Variants in SRBD1 observed in about 807,000 individuals in gnomAD.
The protein encoded by SRBD1 is S1 RNA-binding domain-containing protein 1.
Under a neutral mutation model 115.3 loss-of-function variants are expected in SRBD1, and 88 were observed. That is an observed-to-expected ratio of 0.76 (90% CI 0.64 to 0.91). The LOEUF (loss-of-function observed/expected upper bound fraction) is 0.91. Among genes scored for constraint, SRBD1 ranks in the 40% least tolerant of loss-of-function variants. SRBD1 has a pLI of 0.00. For synonymous variants in SRBD1, 509 were observed against 407.7 expected (o/e 1.25, Z -2.99); for missense variants, 1,385 against 1,177.4 (o/e 1.18, Z -2.58).
At chr2:45,479,268 C>T (rs770143156) in intron 15 of SRBD1, among the ~76,000 whole-genome samples, 9 of 152,094 alleles carry the variant, frequency 5.9e-5, no homozygotes, top group East Asian at 1.9e-4. Flanking sequence ...AAGGAAGAGT[C>T]GCACGTCTCT....
chr2:45,394,574 C>T (rs576749589), intron 19 of SRBD1, among the ~76,000 whole-genome samples: 6 of 152,172 alleles, frequency 3.9e-5, no homozygotes, highest in African/African-American at 1.4e-4. Flanking sequence ...GCTGCACTAT[C>T]AAAAAAAGAA....
chr2:45,602,207 T>G, intron 2 of SRBD1, 124 bp from the exon 3 acceptor site: 1 of 1,113,052 alleles, frequency 9.0e-7, no homozygotes, highest in East Asian at 2.5e-5. Flanking sequence ...ATGGAGTGAT[T>G]GAGTACAGGC....
intron 14 of SRBD1, among the ~76,000 whole-genome samples, chr2:45,496,130 G>C (rs1670451388): frequency 6.6e-6 from 1 of 152,172 alleles, no homozygotes; most frequent in South Asian, 2.1e-4. Flanking sequence ...AAAGGGAAAA[G>C]TTTGCATCAT....
At chr2:45,591,116 C>T (rs1286004010) in intron 4 of SRBD1, among the ~76,000 whole-genome samples, 1 of 152,122 alleles carries the variant, frequency 6.6e-6, no homozygotes, top group African/African-American at 2.4e-5. Flanking sequence ...CAGCTGGAGG[C>T]TTCAGGATTT....
chr2:45,488,729 G>C (rs1266161612), intron 14 of SRBD1, among the ~76,000 whole-genome samples: 1 of 152,058 alleles, frequency 6.6e-6, no homozygotes, highest in East Asian at 1.9e-4. Flanking sequence ...TTACCTGAAT[G>C]AATCATTCTA....
chr2:45,578,225 T>C (rs183124740), intron 7 of SRBD1, among the ~76,000 whole-genome samples: 154 of 152,318 alleles, frequency 1.0e-3, no homozygotes, highest in African/African-American at 3.4e-3. Context: ...AGTTTCAACA[T>C]TCCATTTTAA....
intron 16 of SRBD1, among the ~76,000 whole-genome samples, chr2:45,435,488 A>T (rs77689153): frequency 0.035 from 5,391 of 151,890 alleles, 336 homozygotes; most frequent in African/African-American, 0.12. Flanking sequence ...TATAAGTGAC[A>T]TCTTAAGCAT....
chr2:45,413,824 T>C (rs968048558), intron 18 of SRBD1, among the ~76,000 whole-genome samples: 3 of 151,958 alleles, frequency 2.0e-5, no homozygotes, highest in African/African-American at 4.8e-5. Context: ...CCCAGCTACT[T>C]GGGAGGCTGA....
intron 17 of SRBD1, among the ~76,000 whole-genome samples, chr2:45,419,472 T>C (rs913056825): frequency 2.6e-5 from 4 of 152,158 alleles, no homozygotes; most frequent in African/African-American, 7.2e-5. Flanking sequence ...TAGTGAAAAA[T>C]CTCTACTCTC....
chr2:45,514,666 G>C (rs1671068623), intron 14 of SRBD1, among the ~76,000 whole-genome samples: 3 of 152,072 alleles, frequency 2.0e-5, no homozygotes, highest in Admixed American at 1.3e-4. Flanking sequence ...GATGGCGGCG[G>C]GGAGGGTACT....
At chr2:45,466,294 C>T (rs1232654683) in intron 16 of SRBD1, among the ~76,000 whole-genome samples, 3 of 152,120 alleles carry the variant, frequency 2.0e-5, no homozygotes, top group Non-Finnish European at 4.4e-5. Context: ...ACAGGAGTCT[C>T]TCTGGAGCTC....
At chr2:45,478,900 G>A (rs1235981853) in intron 15 of SRBD1, among the ~76,000 whole-genome samples, 3 of 152,050 alleles carry the variant, frequency 2.0e-5, no homozygotes, top group Non-Finnish European at 2.9e-5. Flanking sequence ...GGAAATTTGC[G>A]GCAACCCTGA....
At chr2:45,598,127 T>C (rs1259442327) in intron 4 of SRBD1, among the ~76,000 whole-genome samples, 1 of 152,202 alleles carries the variant, frequency 6.6e-6, no homozygotes, top group African/African-American at 2.4e-5. Context: ...AGGTAGTCCA[T>C]GGACCACACT....
chr2:45,607,157 T>G (rs910048429), intron 1 of SRBD1, among the ~76,000 whole-genome samples: 1 of 152,202 alleles, frequency 6.6e-6, no homozygotes, highest in South Asian at 2.1e-4. Flanking sequence ...CTTTCTCAAA[T>G]TAGTATTTTT....
At chr2:45,529,046 C>T (rs1304214624) in intron 14 of SRBD1, among the ~76,000 whole-genome samples, 1 of 151,856 alleles carries the variant, frequency 6.6e-6, no homozygotes, top group Non-Finnish European at 1.5e-5. Context: ...GTGAAAGAAT[C>T]ATCCAATATA....
intron 16 of SRBD1, among the ~76,000 whole-genome samples, chr2:45,439,507 C>A (rs1036971192): frequency 2.0e-5 from 3 of 149,870 alleles, no homozygotes; most frequent in Non-Finnish European, 4.4e-5. Context: ...CCTAGAGTAA[C>A]CACTTTAAAA....
At position 45,553,522 on chromosome 2, in the gene SRBD1, G is replaced by A. The variant is rs11891979; in HGVS notation, c.1517+101C>T. On this transcript the variant is annotated intron_variant, in intron 11 of 20. Coordinates refer to ENST00000263736, the MANE Select transcript of SRBD1 (RefSeq NM_018079.5). ...TTTGTGATGCTGACTAAATTCTTTC[G>A]ATTGGTTAATCAATCAACAAACATT... 8 of 709,266 alleles carry A rather than the reference G, an allele frequency of 1.1e-5. No individual in the cohort carries two copies. In the East Asian group the frequency reaches 1.3e-4, roughly 11 times the overall value. 43.9% of individuals were successfully genotyped at this position (709,266 alleles called of 1,614,324 possible).
intron 2 of SRBD1, among the ~76,000 whole-genome samples, chr2:45,602,574 G>C (rs1405401773): frequency 6.6e-6 from 1 of 152,178 alleles, no homozygotes; most frequent in African/African-American, 2.4e-5. Context: ...CCAGCACCAA[G>C]ACCCTTCCAA....
intron 14 of SRBD1, among the ~76,000 whole-genome samples, chr2:45,497,898 G>A (rs911588472): frequency 6.6e-6 from 1 of 152,084 alleles, no homozygotes; most frequent in South Asian, 2.1e-4. Context: ...GCCCGGCATG[G>A]TGACATGCAC....
Sources: allele counts gnomAD v4.1 joint callset (sites outside exome capture counted in the v4.1 genomes callset), GRCh38; gene constraint gnomAD v4.1.1; transcripts MANE v1.5; gene names NCBI Gene and HGNC (gene_info 2026-07-23, HGNC 2026-07-21).